The following HSD11B1 variants were observed in gnomAD, a reference collection of about 807,000 sequenced individuals.
HSD11B1 encodes 11-beta-hydroxysteroid dehydrogenase 1.
In HSD11B1, 15 loss-of-function variants were observed where a neutral mutation model predicts 22.1. The observed-to-expected ratio is 0.68, with a 90% CI of 0.45 to 1.04. The LOEUF (loss-of-function observed/expected upper bound fraction) is 1.04. HSD11B1 is among the 50% of genes least tolerant of loss of function. The pLI is 0.00. For synonymous variants in HSD11B1, 122 were observed against 125.2 expected (o/e 0.97, Z 0.17); for missense variants, 281 against 357.6 (o/e 0.79, Z 1.73).
intron 2 of HSD11B1, 47 bp downstream of exon 2, chr1:209,705,988 T>C: frequency 6.2e-7 from 1 of 1,611,570 alleles, no homozygotes; most frequent in East Asian, 2.2e-5. Flanking sequence ...CATGCTCAGA[T>C]GTGTTCTTAT....
At chr1:209,694,243 A>T (rs1196469298) in intron 1 of HSD11B1, among the ~76,000 whole-genome samples, 1 of 152,222 alleles carries the variant, frequency 6.6e-6, no homozygotes, top group Non-Finnish European at 1.5e-5. Flanking sequence ...TATAAGAATC[A>T]GTTCATCCAT....
chr1:209,734,798 A>G lies in HSD11B1; in HGVS notation c.*277A>G, dbSNP rs2077057292. 5.1e-6 allele frequency: 1 copy of G among 197,232 alleles called. No individual in the cohort carries two copies. The allele number at this position is 197,232 out of a possible 1,614,324, so 12.2% of individuals were successfully genotyped here. ...TATATTAAATTTATATCTTATATAT[A>G]ATAATATGTGATGATTAATACAATA... On this transcript the variant is annotated 3_prime_UTR_variant, in exon 6 of 6. Transcript: ENST00000367027.
intron 4 of HSD11B1, among the ~76,000 whole-genome samples, chr1:209,716,383 T>G (rs1296692527): frequency 1.4e-5 from 2 of 147,662 alleles, no homozygotes; most frequent in Admixed American, 6.7e-5. Flanking sequence ...GTGAAAGACC[T>G]CTACAGGAAA....
chr1:209,699,468 G>C (rs958287290), intron 1 of HSD11B1, among the ~76,000 whole-genome samples: 1 of 152,264 alleles, frequency 6.6e-6, no homozygotes, highest in Non-Finnish European at 1.5e-5. Context: ...ATCAGATCAA[G>C]AGAGTAGCAG....
chr1:209,722,038 A>G (rs1010291799), intron 4 of HSD11B1, among the ~76,000 whole-genome samples: 1 of 152,152 alleles, frequency 6.6e-6, no homozygotes, highest in Non-Finnish European at 1.5e-5. Flanking sequence ...TCTCTTATCC[A>G]AGGGTGATTT....
chr1:209,705,026 ACCAGGTAAGTAC>A lies in HSD11B1; in HGVS notation c.88_88+11del, dbSNP rs756626403. 6.2e-7 allele frequency: 1 copy of A among 1,612,226 alleles called. No homozygotes were observed. The highest frequency in any genetic ancestry group is 8.5e-7 in the Non-Finnish European group (1 of 1,178,354). On this transcript the variant is annotated splice_donor_variant and splice_donor_5th_base_variant and coding_sequence_variant and intron_variant, in exon 1 of 6. Coordinates refer to ENST00000367027, the MANE Select transcript of HSD11B1 (RefSeq NM_005525.4). LOFTEE classifies it high-confidence loss of function. ...ACTATTCTGCAAACGAGGAATTCAG[ACCAGGTAAGTAC>A]CCATGCGTCTCATTTTGGAGGAATA...
chr1:209,722,193 T>C (rs2076971081), intron 4 of HSD11B1, among the ~76,000 whole-genome samples: 1 of 152,232 alleles, frequency 6.6e-6, no homozygotes, highest in Non-Finnish European at 1.5e-5. Context: ...CTCCATTTCA[T>C]ATCCTGTCAA....
chr1:209,709,098 A>C (rs1412478521), intron 4 of HSD11B1, among the ~76,000 whole-genome samples: 1 of 152,210 alleles, frequency 6.6e-6, no homozygotes, highest in East Asian at 1.9e-4. Flanking sequence ...TAAACTCTAT[A>C]AATATGGGAT....
intron 4 of HSD11B1, among the ~76,000 whole-genome samples, chr1:209,725,930 T>C (rs918689025): frequency 6.6e-6 from 1 of 152,160 alleles, no homozygotes; most frequent in Non-Finnish European, 1.5e-5. Flanking sequence ...GCTGTAGCCA[T>C]ATGTTATTAT....
At chr1:209,693,905 T>C (rs970277080) in intron 1 of HSD11B1, among the ~76,000 whole-genome samples, 2 of 152,136 alleles carry the variant, frequency 1.3e-5, no homozygotes, top group Non-Finnish European at 2.9e-5. Context: ...CTCCAATGAT[T>C]CCTTTATGCC....
chr1:209,696,464 T>A (rs1423205637), intron 1 of HSD11B1, among the ~76,000 whole-genome samples: 1 of 152,196 alleles, frequency 6.6e-6, no homozygotes, highest in Non-Finnish European at 1.5e-5. Flanking sequence ...GTGGTTATAC[T>A]ACCTGAAGCT....
chr1:209,733,245 CACA>C (rs1363347388), intron 5 of HSD11B1, among the ~76,000 whole-genome samples: 1 of 152,196 alleles, frequency 6.6e-6, no homozygotes, highest in African/African-American at 2.4e-5. Context: ...CTGAGAAGAA[CACA>C]ACATCATTTT....
chr1:209,690,643 G>C (rs1308985946), intron 1 of HSD11B1, among the ~76,000 whole-genome samples: 1 of 152,140 alleles, frequency 6.6e-6, no homozygotes, highest in Non-Finnish European at 1.5e-5. Flanking sequence ...GTTGCAGGGA[G>C]CCAAGATCGC....
At chr1:209,712,039 G>A (rs896163175) in intron 4 of HSD11B1, among the ~76,000 whole-genome samples, 2 of 152,210 alleles carry the variant, frequency 1.3e-5, no homozygotes, top group Non-Finnish European at 2.9e-5. Context: ...AAGTGCACTT[G>A]TGGATGGAAA....
chr1:209,696,596 C>T (rs180680124), intron 1 of HSD11B1, among the ~76,000 whole-genome samples: 4 of 152,064 alleles, frequency 2.6e-5, no homozygotes, highest in East Asian at 1.9e-4. Context: ...AAATGAGAAC[C>T]GAATCAAGGC....
chr1:209,701,428 CT>C (rs775914593), upstream of HSD11B1, among the ~76,000 whole-genome samples: 38 of 152,310 alleles, frequency 2.5e-4, no homozygotes, highest in Admixed American at 5.9e-4. Flanking sequence ...TTACCTCCCC[CT>C]GGGTCCCTCT....
intron 4 of HSD11B1, among the ~76,000 whole-genome samples, chr1:209,712,771 C>T (rs2076905850): frequency 6.6e-6 from 1 of 152,148 alleles, no homozygotes; most frequent in Admixed American, 6.5e-5. Flanking sequence ...TTTCCTTTGG[C>T]CAGGCGCAGT....
In HSD11B1 at chr1:209,727,576, C is replaced by T. The variant is rs1571886453; in HGVS notation, c.518-4860C>T. On this transcript the variant is annotated intron_variant, in intron 4 of 5. Transcript: ENST00000367027. Reference sequence around the variant, plus strand: ...GATTTAACACATGGCTCCTGGAAAACACTCATATAAAGAACAGTGCCTTCT... The same window carrying T: ...GATTTAACACATGGCTCCTGGAAAATACTCATATAAAGAACAGTGCCTTCT... 2.0e-5 allele frequency among the ~76,000 whole-genome samples: 3 copies of T among 152,286 alleles called. No individual in the cohort carries two copies. The South Asian group carries it at 6.2e-4, about 32-fold the overall frequency.
chr1:209,720,007 T>C (rs745441642), intron 4 of HSD11B1, among the ~76,000 whole-genome samples: 1 of 151,952 alleles, frequency 6.6e-6, no homozygotes, highest in Non-Finnish European at 1.5e-5. Flanking sequence ...AAATGATGAG[T>C]TAATGGATGC....
Sources: gnomAD v4.1 joint callset for allele counts (sites outside exome capture counted in the v4.1 genomes callset) on GRCh38, gnomAD v4.1.1 for gene constraint, MANE v1.5 for transcripts, NCBI Gene and HGNC (gene_info 2026-07-23, HGNC 2026-07-21) for gene names.